The following SHTN1 variants were observed in gnomAD, a reference collection of about 807,000 sequenced individuals.
SHTN1 encodes the protein shootin-1.
A neutral mutation model predicts 83.1 loss-of-function variants in SHTN1; 42 were observed. The ratio of observed to expected loss-of-function variants is 0.51; its 90% CI spans 0.39 to 0.65. The LOEUF (loss-of-function observed/expected upper bound fraction) is 0.65, where lower values mean the gene tolerates loss of function less well. Among genes scored for constraint, SHTN1 ranks in the 30% least tolerant of loss-of-function variants. The probability of loss-of-function intolerance (pLI) is 0.00; values close to 1 mark genes in which losing one functional copy is unlikely to be tolerated. For synonymous variants in SHTN1, 224 were observed against 247.7 expected (o/e 0.90, Z 0.90); for missense variants, 622 against 737.8 (o/e 0.84, Z 1.82).
At chr10:116,926,726 A>G (rs1848757274) in intron 11 of SHTN1, among the ~76,000 whole-genome samples, 1 of 152,090 alleles carries the variant, frequency 6.6e-6, no homozygotes, top group Admixed American at 6.6e-5. Context: ...AAAAAAAAAA[A>G]ACCCTAGAAA....
intron 1 of SHTN1, among the ~76,000 whole-genome samples, chr10:117,054,406 C>CT (rs1214269438): frequency 0.025 from 3,430 of 138,440 alleles, 56 homozygotes; most frequent in Non-Finnish European, 0.033. Flanking sequence ...GCATCCTTAT[C>CT]TTTTTTTTTT....
At chr10:116,990,101 T>A (rs927813879) in intron 1 of SHTN1, among the ~76,000 whole-genome samples, 1 of 152,120 alleles carries the variant, frequency 6.6e-6, no homozygotes, top group African/African-American at 2.4e-5. Flanking sequence ...TAAAAATTTT[T>A]CCTTGTTCCT....
At chr10:117,023,223 G>A (rs1229893595) in intron 2 of SHTN1, among the ~76,000 whole-genome samples, 2 of 152,124 alleles carry the variant, frequency 1.3e-5, no homozygotes, top group African/African-American at 4.8e-5. Context: ...TTGTCAAAAT[G>A]TTCAATAAAT....
intron 2 of SHTN1, among the ~76,000 whole-genome samples, chr10:117,034,433 G>C (rs1852465607): frequency 6.6e-6 from 1 of 152,176 alleles, no homozygotes; most frequent in African/African-American, 2.4e-5. Context: ...CCTGAGGTCA[G>C]GAGTTCAAGA....
chr10:116,916,600 T>C (rs932144341), intron 12 of SHTN1, among the ~76,000 whole-genome samples: 9 of 152,226 alleles, frequency 5.9e-5, no homozygotes, highest in African/African-American at 2.2e-4. Flanking sequence ...CAATCACTAC[T>C]GCATCCCCGA....
chr10:117,016,577 T>A (rs1458319216), intron 2 of SHTN1, among the ~76,000 whole-genome samples: 3 of 152,152 alleles, frequency 2.0e-5, no homozygotes, highest in African/African-American at 7.2e-5. Flanking sequence ...CGGCTACTTT[T>A]TGTATTTTTA....
chr10:116,949,769 T>G (rs1413680015), intron 6 of SHTN1, among the ~76,000 whole-genome samples: 2 of 152,158 alleles, frequency 1.3e-5, no homozygotes, highest in Admixed American at 6.5e-5. Context: ...GACTCTTGGC[T>G]TAAATAAAAC....
At chr10:116,987,577 A>G (rs2133501185) in intron 1 of SHTN1, among the ~76,000 whole-genome samples, 1 of 152,288 alleles carries the variant, frequency 6.6e-6, no homozygotes, top group African/African-American at 2.4e-5. Flanking sequence ...ATATGATTCC[A>G]ATTATATGAC....
intron 3 of SHTN1, 96 bp from the exon 4 acceptor site, chr10:116,960,326 C>T (rs1013071012): frequency 1.0e-5 from 7 of 698,240 alleles, no homozygotes; most frequent in Admixed American, 4.5e-5. Flanking sequence ...TACTTCAATT[C>T]TTTGGCTAGC....
chr10:116,911,928 T>C, intron 13 of SHTN1, 85 bp from the exon 14 acceptor site: 1 of 948,842 alleles, frequency 1.1e-6, no homozygotes, highest in Non-Finnish European at 1.7e-6. Flanking sequence ...AAACTATTAG[T>C]AGCCTTATAT....
intron 13 of SHTN1, among the ~76,000 whole-genome samples, chr10:116,914,532 G>C (rs1227953371): frequency 4.0e-5 from 6 of 150,054 alleles, no homozygotes; most frequent in African/African-American, 1.5e-4. Flanking sequence ...CATAACACTG[G>C]GGGACGTTCA....
At chr10:117,071,562 C>T (rs1316641266) in intron 1 of SHTN1, among the ~76,000 whole-genome samples, 8 of 152,208 alleles carry the variant, frequency 5.3e-5, no homozygotes, top group Non-Finnish European at 1.2e-4. Flanking sequence ...TGTTCTGTCT[C>T]TAAAGTCCTT....
chr10:117,103,927 T>C (rs142967392), intron 1 of SHTN1, among the ~76,000 whole-genome samples: 3,774 of 152,308 alleles, frequency 0.025, 58 homozygotes, highest in Non-Finnish European at 0.033. Flanking sequence ...ATTTTAATGG[T>C]AATTACAAAT....
At chr10:116,937,382 G>T (rs1344604914) in intron 9 of SHTN1, among the ~76,000 whole-genome samples, 1 of 152,102 alleles carries the variant, frequency 6.6e-6, no homozygotes, top group Non-Finnish European at 1.5e-5. Flanking sequence ...CTCGGCATTT[G>T]TCTGTCTGTA....
chr10:116,990,178 G>C (rs1241233720), intron 1 of SHTN1, among the ~76,000 whole-genome samples: 1 of 151,840 alleles, frequency 6.6e-6, no homozygotes, highest in Non-Finnish European at 1.5e-5. Flanking sequence ...TTAGTTCTTT[G>C]AATTTGTGAC....
chr10:117,007,759 A>G (rs1852044964), upstream of SHTN1, among the ~76,000 whole-genome samples: 1 of 151,774 alleles, frequency 6.6e-6, no homozygotes, highest in South Asian at 2.1e-4. Context: ...TAATATACAG[A>G]GTGATGGCTA....
intron 1 of SHTN1, among the ~76,000 whole-genome samples, chr10:117,099,297 C>T (rs1029040488): frequency 3.3e-5 from 5 of 151,604 alleles, no homozygotes; most frequent in East Asian, 1.9e-4. Flanking sequence ...GCTTGGGTGA[C>T]GGGGTGCACT....
intron 4 of SHTN1, among the ~76,000 whole-genome samples, chr10:116,959,410 C>G (rs1375644493): frequency 6.6e-6 from 1 of 151,978 alleles, no homozygotes; most frequent in Non-Finnish European, 1.5e-5. Context: ...TCAGTCACAT[C>G]CAAAGAAATT....
chr10:116,939,004 A>C (rs1379245766), intron 9 of SHTN1, among the ~76,000 whole-genome samples: 1 of 152,150 alleles, frequency 6.6e-6, no homozygotes, highest in Non-Finnish European at 1.5e-5. Context: ...GTAATAGCAG[A>C]CACCCTGCCC....
Sources: gnomAD v4.1 joint callset for allele counts (sites outside exome capture counted in the v4.1 genomes callset) on GRCh38, gnomAD v4.1.1 for gene constraint, MANE v1.5 for transcripts, NCBI Gene and HGNC (gene_info 2026-07-23, HGNC 2026-07-21) for gene names.